ALAS1: variants seen among roughly 807,000 people sequenced by gnomAD.
ALAS1 encodes 5-aminolevulinate synthase, non-specific, mitochondrial.
In ALAS1, 29 loss-of-function variants were observed where a neutral mutation model predicts 59.6. That is an observed-to-expected ratio of 0.49 (90% confidence interval 0.36 to 0.66). The LOEUF (loss-of-function observed/expected upper bound fraction) is 0.66, where lower values mean the gene tolerates loss of function less well. ALAS1 is among the 30% of genes least tolerant of loss of function. The probability of loss-of-function intolerance (pLI) is 0.00; values close to 1 mark genes in which losing one functional copy is unlikely to be tolerated. For missense variants in ALAS1, 690 were observed against 807.5 expected (o/e 0.85, Z 1.76); for synonymous variants, 299 against 296.6 (o/e 1.01, Z -0.08).
In ALAS1 at chr3:52,202,578, C is replaced by T. The variant is rs1179629244; in HGVS notation, c.271C>T (p.Leu91Phe). The T allele has an allele frequency of 1.9e-6, 3 of 1,614,202 alleles. No individual in the cohort carries two copies. Among genetic ancestry groups the T allele is most frequent in the Non-Finnish European group, 1.7e-6 (2 of 1,180,044 alleles). Residue 91 changes from leucine (L) to phenylalanine (F), a missense_variant, in exon 4 of 12, where the codon CTT (leucine) becomes TTT (phenylalanine). Coordinates refer to ENST00000484952, the MANE Select transcript of ALAS1 (RefSeq NM_000688.6). ...CCAGCAGAGTCCAGATGGCACACAG[C>T]TTCCGTCTGGACACCCCTTGCCTGC... Reference protein sequence around the residue: ...GSQQSPDGTQLPSGHPLPATS... With the variant: ...GSQQSPDGTQFPSGHPLPATS...
intron 11 of ALAS1, among the ~76,000 whole-genome samples, chr3:52,212,859 A>C (rs1699440600): frequency 6.6e-6 from 1 of 152,152 alleles, no homozygotes; most frequent in African/African-American, 2.4e-5. Flanking sequence ...GTAACTAAGC[A>C]TGCCCTCAAA....
At chr3:52,207,536 G>A (rs1489042811) in intron 8 of ALAS1, among the ~76,000 whole-genome samples, 1 of 151,882 alleles carries the variant, frequency 6.6e-6, no homozygotes, top group African/African-American at 2.4e-5. Context: ...TATTATATGG[G>A]TAAATTATGT....
Position 52,212,328 on chromosome 3 carries a change from C to T in ALAS1, c.1670C>T (p.Ala557Val). Reference protein sequence around the residue: ...LMSRHNIYVQAINYPTVPRGE... With the variant: ...LMSRHNIYVQVINYPTVPRGE... Reference sequence around the variant, plus strand: ...AGCAGACATAACATCTACGTGCAAGCAATCAATTACCCTACGGTGCCCCGG... The same window carrying T: ...AGCAGACATAACATCTACGTGCAAGTAATCAATTACCCTACGGTGCCCCGG... The change falls in exon 11 of 12, where the codon GCA (alanine) becomes GTA (valine). Residue 557 changes from alanine (A) to valine (V), a missense_variant. By Grantham distance (64) the Ala-to-Val change is moderately conservative. Transcript: ENST00000484952. 6.2e-7 allele frequency: 1 copy of T among 1,614,166 alleles called. No homozygotes were observed. The highest frequency in any genetic ancestry group is 8.5e-7 in the Non-Finnish European group (1 of 1,180,026).
At position 52,199,470 on chromosome 3, in the gene ALAS1, T is replaced by A; in HGVS notation, c.199+30T>A. The A allele has an allele frequency of 1.9e-6, 3 of 1,601,296 alleles. No homozygotes were observed. In the East Asian group the frequency reaches 6.7e-5, roughly 36 times the overall value. Reference sequence around the variant, plus strand: ...GTGTCATTGACAATGAAGGAGCAGGTATGGGTGTTTGTGCTCATTGGTAGA... The same window carrying A: ...GTGTCATTGACAATGAAGGAGCAGGAATGGGTGTTTGTGCTCATTGGTAGA... On this transcript the variant is annotated intron_variant, in intron 3 of 11. Transcript: ENST00000484952.
At chr3:52,203,713 G>A (rs1699236926) in intron 4 of ALAS1, 150 bp from the exon 5 acceptor site, 1 of 787,494 alleles carries the variant, frequency 1.3e-6, no homozygotes, top group Non-Finnish European at 1.9e-6. Flanking sequence ...TAGAAGAGAT[G>A]CTTTGTACAC....
chr3:52,199,134 G>C (rs1383926718), intron 2 of ALAS1, 76 bp from the exon 3 acceptor site: 1 of 1,451,892 alleles, frequency 6.9e-7, no homozygotes, highest in African/African-American at 1.4e-5. Context: ...ATAAACTGCG[G>C]TTGACACCTG....
Position 52,211,415 on chromosome 3 carries a change from C to G in ALAS1, c.1463C>G (p.Ser488Cys). 6.2e-7 allele frequency: 1 copy of G among 1,614,240 alleles called. No homozygotes were observed. Among genetic ancestry groups the G allele is most frequent in the East Asian group, 2.2e-5 (1 of 44,890 alleles). Residue 488 changes from serine to cysteine, a missense_variant, in exon 10 of 12, where the codon TCT becomes TGT. Physicochemically the swap from Ser to Cys is moderately radical, Grantham distance 112 (BLOSUM62 -1). Coordinates refer to ENST00000484952, the MANE Select transcript of ALAS1 (RefSeq NM_000688.6). The stretch of plus-strand genomic sequence containing the variant: ...ATGCTGCTGGCTGGAGCCCTGGAGT[C>G]TGTGCGGATCCTGAAGAGCGCTGAG... ...PPMLLAGALE[S>C]VRILKSAEGR...
Position 52,211,412 on chromosome 3 carries a change from A to C in ALAS1, c.1460A>C (p.Glu487Ala). 6.2e-7 allele frequency: 1 copy of C among 1,614,136 alleles called. No homozygotes were observed. The highest frequency in any genetic ancestry group is 1.3e-5 in the African/African-American group (1 of 75,030). The change falls in exon 10 of 12, where the codon GAG (glutamate) becomes GCG (alanine). Residue 487 changes from glutamate (E) to alanine (A), a missense_variant. Transcript: ENST00000484952. ...LPPMLLAGALESVRILKSAEG... is the reference protein window; with the variant it reads ...LPPMLLAGALASVRILKSAEG... ...CCCATGCTGCTGGCTGGAGCCCTGG[A>C]GTCTGTGCGGATCCTGAAGAGCGCT...
intron 5 of ALAS1, 84 bp downstream of exon 5, chr3:52,204,096 A>T: frequency 7.1e-7 from 1 of 1,415,616 alleles, no homozygotes; most frequent in Non-Finnish European, 9.5e-7. Flanking sequence ...TTGCATGGTG[A>T]GGCTGGGCAC....
At chr3:52,208,708 C>T (rs184740405) in intron 9 of ALAS1, among the ~76,000 whole-genome samples, 19 of 152,312 alleles carry the variant, frequency 1.2e-4, no homozygotes, top group Admixed American at 1.2e-3. Flanking sequence ...GGCTATGTCT[C>T]GTGGTAGATG....
At chr3:52,200,301 T>G (rs899344992) in intron 3 of ALAS1, among the ~76,000 whole-genome samples, 6 of 152,244 alleles carry the variant, frequency 3.9e-5, no homozygotes, top group African/African-American at 1.4e-4. Flanking sequence ...ACTGAAATTC[T>G]ATACCCATCA....
chr3:52,204,949 G>A, intron 6 of ALAS1, 34 bp downstream of exon 6: 1 of 1,563,224 alleles, frequency 6.4e-7, no homozygotes. Context: ...TATTACTGTT[G>A]TTATTTGGCA....
chr3:52,205,613 C>T lies in ALAS1; in HGVS notation c.801-226C>T, dbSNP rs575461106. Among the ~76,000 whole-genome samples, 14 of 152,262 alleles carry T rather than the reference C, an allele frequency of 9.2e-5. No homozygotes were observed. The South Asian group carries it at 2.9e-3, about 32-fold the overall frequency. On this transcript the variant is annotated intron_variant, in intron 6 of 11. Transcript: ENST00000484952. The stretch of plus-strand genomic sequence containing the variant: ...AAGCACTTACTGACTGTTAAATGAA[C>T]ACTTGTTCTTGATGATTCCTGGAGG...
intron 10 of ALAS1, 25 bp from the exon 11 acceptor site, chr3:52,212,233 T>G: frequency 6.2e-7 from 1 of 1,606,974 alleles, no homozygotes; most frequent in South Asian, 1.1e-5. Context: ...GTTGTGACCT[T>G]ACCTTCTGCT....
chr3:52,198,991 G>T lies in ALAS1; in HGVS notation c.-33+143G>T, dbSNP rs1577958945. 3 of 1,116,698 alleles carry T rather than the reference G, an allele frequency of 2.7e-6. No homozygotes were observed. The Admixed American group carries it at 6.4e-5, about 24-fold the overall frequency. 69.2% of individuals were successfully genotyped at this position (1,116,698 alleles called of 1,614,324 possible). A position where few individuals can be genotyped will look rare whatever the true frequency, so the allele number is the denominator to read the frequency against. On this transcript the variant is annotated intron_variant, in intron 2 of 11. Coordinates refer to ENST00000484952, the MANE Select transcript of ALAS1 (RefSeq NM_000688.6). Reference sequence around the variant, plus strand: ...CATTTGGTGAAGTTGCTTTGCAGGTGCCTTTGTGTAGCGCTGGAGAATGAA... The same window carrying T: ...CATTTGGTGAAGTTGCTTTGCAGGTTCCTTTGTGTAGCGCTGGAGAATGAA...
At chr3:52,209,587 A>C (rs1043316153) in intron 9 of ALAS1, among the ~76,000 whole-genome samples, 1 of 152,208 alleles carries the variant, frequency 6.6e-6, no homozygotes, top group African/African-American at 2.4e-5. Flanking sequence ...AAGGCTGGAG[A>C]GAGAAACTTT....
In ALAS1 at chr3:52,204,882, T is replaced by A; in HGVS notation, c.767T>A (p.Met256Lys). The change falls in exon 6 of 12, where the codon ATG becomes AAG. Residue 256 changes from methionine (M) to lysine (K), a missense_variant. By Grantham distance (95) the Met-to-Lys change is moderately conservative. Coordinates refer to ENST00000484952, the MANE Select transcript of ALAS1 (RefSeq NM_000688.6). ...TGGTGCAGTAATGACTACCTAGGAA[T>A]GAGTCGCCACCCACGGGTGTGTGGG... ...SVWCSNDYLG[M>K]SRHPRVCGAV... The A allele has an allele frequency of 6.2e-7, 1 of 1,614,094 alleles. No individual in the cohort carries two copies. Among genetic ancestry groups the A allele is most frequent in the Non-Finnish European group, 8.5e-7 (1 of 1,179,998 alleles).
At chr3:52,208,535 C>G (rs1254998701) in intron 9 of ALAS1, among the ~76,000 whole-genome samples, 1 of 152,210 alleles carries the variant, frequency 6.6e-6, no homozygotes, top group Non-Finnish European at 1.5e-5. Context: ...AGCCTGTACT[C>G]TCTGTGCCTC....
intron 2 of ALAS1, 70 bp downstream of exon 2, chr3:52,198,918 G>C: frequency 2.0e-6 from 3 of 1,490,574 alleles, no homozygotes; most frequent in Non-Finnish European, 2.7e-6. Context: ...ACCTGTTCTT[G>C]ACCTTTCCCT....
Sources: gnomAD v4.1 joint callset for allele counts (sites outside exome capture counted in the v4.1 genomes callset) on GRCh38, gnomAD v4.1.1 for gene constraint, MANE v1.5 for transcripts, NCBI Gene and HGNC (gene_info 2026-07-23, HGNC 2026-07-21) for gene names.